Variants in TRANK1 observed in about 807,000 individuals in gnomAD.
The protein encoded by TRANK1 is TPR and ankyrin repeat-containing protein 1.
TRANK1 carries 198 observed loss-of-function variants against 266.0 expected under a neutral mutation model. The observed-to-expected ratio is 0.74, with a 90% confidence interval of 0.66 to 0.84. TRANK1 has a LOEUF of 0.84. Among genes scored for constraint, TRANK1 ranks in the 40% least tolerant of loss-of-function variants. The pLI is 0.00. For missense variants in TRANK1, 3,326 were observed against 3,634.6 expected (o/e 0.92, Z 2.18); for synonymous variants, 1,396 against 1,384.1 (o/e 1.01, Z -0.19).
At chr3:36,835,456 C>T (rs1282200999) in intron 20 of TRANK1, among the ~76,000 whole-genome samples, 2 of 151,488 alleles carry the variant, frequency 1.3e-5, no homozygotes, top group Non-Finnish European at 2.9e-5. Flanking sequence ...GATTAAAGAT[C>T]TAAATGTGGA....
At chr3:36,915,323 T>C (rs2080109875) in intron 1 of TRANK1, among the ~76,000 whole-genome samples, 1 of 152,372 alleles carries the variant, frequency 6.6e-6, no homozygotes, top group East Asian at 1.9e-4. Flanking sequence ...GCATATAATG[T>C]ATAAGTGATC....
chr3:36,848,099 G>A (rs981499626), intron 15 of TRANK1, among the ~76,000 whole-genome samples: 1 of 152,074 alleles, frequency 6.6e-6, no homozygotes, highest in African/African-American at 2.4e-5. Flanking sequence ...TATCATTGCG[G>A]GTCACATGAT....
At chr3:36,900,222 G>C (rs1299794603) in intron 3 of TRANK1, among the ~76,000 whole-genome samples, 1 of 152,096 alleles carries the variant, frequency 6.6e-6, no homozygotes, top group Non-Finnish European at 1.5e-5. Context: ...CGGAACAAAA[G>C]AATGAAAATA....
intron 10 of TRANK1, among the ~76,000 whole-genome samples, chr3:36,862,628 A>G (rs2125555091): frequency 6.6e-6 from 1 of 152,340 alleles, no homozygotes; most frequent in South Asian, 2.1e-4. Context: ...TTCTGATCAC[A>G]TTCAGCTACA....
rs769473247 is a variant in TRANK1 at position 36,864,468 on chromosome 3, C to T, written c.1091G>A (p.Gly364Asp). ...GTCGTTTTCACTAGTGGGTCCATCACCATTGCTGAATCCTACAAAACAGCA... is the reference window on the plus strand; with the variant it reads ...GTCGTTTTCACTAGTGGGTCCATCATCATTGCTGAATCCTACAAAACAGCA... ...CSKDLSGFSN[G>D]DGPTSENDIF... The change falls in exon 10 of 24, where the codon GGT becomes GAT. Residue 364 changes from glycine to aspartate, a missense_variant. Transcript: ENST00000645898. 7 of 1,530,770 alleles carry T rather than the reference C, an allele frequency of 4.6e-6. No individual in the cohort carries two copies. In the South Asian group the frequency reaches 6.1e-5, roughly 13 times the overall value. 94.8% of individuals were successfully genotyped at this position (1,530,770 alleles called of 1,614,324 possible).
chr3:36,937,896 T>C (rs1276895284), intron 1 of TRANK1, among the ~76,000 whole-genome samples: 3 of 152,214 alleles, frequency 2.0e-5, no homozygotes, highest in African/African-American at 7.2e-5. Context: ...TGGGCTTTGA[T>C]AATAGCAGCC....
At chr3:36,920,581 CTA>C (rs1559474575) in intron 1 of TRANK1, among the ~76,000 whole-genome samples, 1 of 152,214 alleles carries the variant, frequency 6.6e-6, no homozygotes, top group African/African-American at 2.4e-5. Context: ...GAGAATCTCT[CTA>C]TTACACAGAG....
intron 1 of TRANK1, among the ~76,000 whole-genome samples, chr3:36,913,554 C>T (rs1244185557): frequency 1.3e-5 from 2 of 151,936 alleles, no homozygotes; most frequent in African/African-American, 4.8e-5. Context: ...TCCTCTTCCC[C>T]GCAGGAAGGG....
intron 4 of TRANK1, among the ~76,000 whole-genome samples, chr3:36,898,687 T>C (rs989232480): frequency 6.6e-6 from 1 of 151,710 alleles, no homozygotes; most frequent in Non-Finnish European, 1.5e-5. Flanking sequence ...TCATCTCTAC[T>C]AAAAATACAA....
At chr3:36,935,223 C>CG (rs1364234450) in intron 1 of TRANK1, among the ~76,000 whole-genome samples, 4 of 152,108 alleles carry the variant, frequency 2.6e-5, no homozygotes, top group African/African-American at 9.7e-5. Context: ...ATGCCCACCC[C>CG]GGGAGGGTGA....
chr3:36,904,350 C>T (rs2125626051), intron 2 of TRANK1, among the ~76,000 whole-genome samples: 1 of 151,864 alleles, frequency 6.6e-6, no homozygotes, highest in African/African-American at 2.4e-5. Flanking sequence ...GAAACCCCAT[C>T]TCTACTAAAA....
intron 1 of TRANK1, among the ~76,000 whole-genome samples, chr3:36,919,421 AT>A (rs2080182737): frequency 6.6e-6 from 1 of 152,220 alleles, no homozygotes; most frequent in African/African-American, 2.4e-5. Flanking sequence ...AAGATTATCC[AT>A]GTGAGACTCA....
intron 1 of TRANK1, among the ~76,000 whole-genome samples, chr3:36,944,346 G>C (rs997972925): frequency 2.6e-5 from 4 of 152,172 alleles, no homozygotes; most frequent in African/African-American, 7.2e-5. Flanking sequence ...CGCCCTTCCC[G>C]CCTGGCACGG....
At chr3:36,876,875 T>C (rs2079397168) in intron 8 of TRANK1, among the ~76,000 whole-genome samples, 1 of 152,146 alleles carries the variant, frequency 6.6e-6, no homozygotes, top group African/African-American at 2.4e-5. Context: ...CCAACCTCAC[T>C]CCTTCAATTT....
chr3:36,843,810 A>C (rs1447068786), intron 17 of TRANK1, among the ~76,000 whole-genome samples: 1 of 152,200 alleles, frequency 6.6e-6, no homozygotes, highest in South Asian at 2.1e-4. Flanking sequence ...CACGTTAAGC[A>C]TCACAACCTG....
intron 11 of TRANK1, among the ~76,000 whole-genome samples, chr3:36,859,227 C>G (rs1304443122): frequency 6.6e-6 from 1 of 152,018 alleles, no homozygotes; most frequent in Non-Finnish European, 1.5e-5. Flanking sequence ...TAACATCATA[C>G]CTGACACAGT....
In TRANK1 at chr3:36,916,839, G is replaced by A. The variant is rs537941471; in HGVS notation, c.24-8385C>T. Among the ~76,000 whole-genome samples, 494 of 150,590 alleles carry A rather than the reference G, an allele frequency of 3.3e-3. 2 individuals are homozygous for A. In the South Asian group the frequency reaches 0.036, roughly 11 times the overall value. On this transcript the variant is annotated intron_variant, in intron 1 of 23. Coordinates refer to ENST00000645898, the MANE Select transcript of TRANK1 (RefSeq NM_001329998.2). Reference sequence around the variant, plus strand: ...TGTTTTTTGTTTTTTTGAAGAGACCGGAGTCTTGCTCTGTCCCCCAGCCTG... The same window carrying A: ...TGTTTTTTGTTTTTTTGAAGAGACCAGAGTCTTGCTCTGTCCCCCAGCCTG...
chr3:36,918,505 A>AGG (rs2125645178), intron 1 of TRANK1, among the ~76,000 whole-genome samples: 3 of 36,868 alleles, frequency 8.1e-5, no homozygotes, highest in African/African-American at 3.6e-4. Flanking sequence ...GAAAGAAAGA[A>AGG]AGAAAGAAAG....
intron 11 of TRANK1, among the ~76,000 whole-genome samples, chr3:36,859,191 T>G (rs771035857): frequency 6.6e-6 from 1 of 151,656 alleles, no homozygotes; most frequent in African/African-American, 2.4e-5. Flanking sequence ...GGACAGGGCA[T>G]GAGAACTGAA....
Sources: allele counts gnomAD v4.1 joint callset (sites outside exome capture counted in the v4.1 genomes callset), GRCh38; gene constraint gnomAD v4.1.1; transcripts MANE v1.5; gene names NCBI Gene and HGNC (gene_info 2026-07-23, HGNC 2026-07-21).